TRIT1: variants seen among roughly 807,000 people sequenced by gnomAD.
TRIT1 encodes the protein tRNA dimethylallyltransferase.
A neutral mutation model predicts 51.2 loss-of-function variants in TRIT1; 43 were observed. The observed-to-expected ratio is 0.84, with a 90% CI of 0.66 to 1.08. The LOEUF (loss-of-function observed/expected upper bound fraction) is 1.08. TRIT1 is among the 50% of genes least tolerant of loss of function. TRIT1 has a pLI of 0.00. For missense variants in TRIT1, 528 were observed against 578.4 expected (o/e 0.91, Z 0.89); for synonymous variants, 184 against 203.9 (o/e 0.90, Z 0.83).
chr1:39,864,597 C>CAAAAA (rs58041605), intron 1 of TRIT1, among the ~76,000 whole-genome samples: 1 of 97,298 alleles, frequency 1.0e-5, no homozygotes. Flanking sequence ...GACTCTGTCT[C>CAAAAA]AAAAAAAAAA....
intron 1 of TRIT1, among the ~76,000 whole-genome samples, chr1:39,880,390 G>A (rs1644221075): frequency 6.6e-6 from 1 of 150,420 alleles, no homozygotes; most frequent in African/African-American, 2.4e-5. Flanking sequence ...AATTGAAAAT[G>A]TTATTTCAAG....
At chr1:39,854,713 C>A (rs2124614214) in intron 2 of TRIT1, among the ~76,000 whole-genome samples, 1 of 152,296 alleles carries the variant, frequency 6.6e-6, no homozygotes, top group African/African-American at 2.4e-5. Flanking sequence ...TATCACAATG[C>A]CTAAAAAATA....
Position 39,879,463 on chromosome 1 carries a change from T to C in TRIT1, c.174+3855A>G, listed in dbSNP as rs1175797416. ...CTGTGAAGTGATAATATCCATTTTA[T>C]GAGACTATTGTGAGGATTTTAAATA... is the stretch of plus-strand genomic sequence containing the variant. On this transcript the variant is annotated intron_variant, in intron 1 of 10. Coordinates refer to ENST00000316891, the MANE Select transcript of TRIT1 (RefSeq NM_017646.6). Among the ~76,000 whole-genome samples the C allele has an allele frequency of 5.9e-5, 9 of 151,680 alleles. 1 individual carries two copies. In the East Asian group the frequency reaches 1.5e-3, roughly 26 times the overall value.
chr1:39,871,860 TA>T (rs1420422583), intron 1 of TRIT1, among the ~76,000 whole-genome samples: 1 of 152,132 alleles, frequency 6.6e-6, no homozygotes, highest in Non-Finnish European at 1.5e-5. Context: ...CCCATAGAAC[TA>T]AACATCATAA....
chr1:39,857,345 T>C lies in TRIT1; in HGVS notation c.247A>G (p.Ile83Val). Residue 83 changes from isoleucine (I) to valine (V), a missense_variant, in exon 2 of 11, where the codon ATC becomes GTC. Physicochemically the swap from Ile to Val is conservative, Grantham distance 29. Around this residue, in one of 3 missense-constraint regions of TRIT1, gnomAD observed 468 missense variants for 522.6 expected, o/e 0.90. Coordinates refer to ENST00000316891, the MANE Select transcript of TRIT1 (RefSeq NM_017646.6). ...GTCACAAGAGGATCCACAAAGCTGATCATGTGGTGCCGGCAGATTCTCTGC... is the reference window on the plus strand; with the variant it reads ...GTCACAAGAGGATCCACAAAGCTGACCATGTGGTGCCGGCAGATTCTCTGC... ...QEQRICRHHMISFVDPLVTNY... is the reference protein window; with the variant it reads ...QEQRICRHHMVSFVDPLVTNY... 1 of 1,614,168 alleles carries C rather than the reference T, an allele frequency of 6.2e-7. No homozygotes were observed. Among genetic ancestry groups the C allele is most frequent in the Non-Finnish European group, 8.5e-7 (1 of 1,180,028 alleles).
At chr1:39,873,898 CT>C (rs1643960208) in intron 1 of TRIT1, among the ~76,000 whole-genome samples, 2 of 152,054 alleles carry the variant, frequency 1.3e-5, no homozygotes. Context: ...TGGCGTATGC[CT>C]GTAGTCCCAG....
intron 1 of TRIT1, among the ~76,000 whole-genome samples, chr1:39,870,617 G>GA (rs35350354): frequency 0.17 from 20,690 of 121,226 alleles, 1,891 homozygotes; most frequent in Non-Finnish European, 0.25. Context: ...GAAATTAAAA[G>GA]AAAAAAAAAA....
rs544366859 is a variant in TRIT1 at position 39,869,987 on chromosome 1, G to C, written c.175-12570C>G. On this transcript the variant is annotated intron_variant, in intron 1 of 10. Coordinates refer to ENST00000316891, the MANE Select transcript of TRIT1 (RefSeq NM_017646.6). Reference sequence around the variant, plus strand: ...TGGGAGGTGGGGGGCCCCTCTCTCCGGCCGCCACCCCGTCTGGGAGGTGTA... The same window carrying C: ...TGGGAGGTGGGGGGCCCCTCTCTCCCGCCGCCACCCCGTCTGGGAGGTGTA... 5.3e-5 allele frequency among the ~76,000 whole-genome samples: 8 copies of C among 152,308 alleles called. No homozygotes were observed. In the South Asian group the frequency reaches 1.2e-3, roughly 24 times the overall value.
At chr1:39,877,680 C>T (rs775483374) in intron 1 of TRIT1, among the ~76,000 whole-genome samples, 48 of 152,130 alleles carry the variant, frequency 3.2e-4, no homozygotes, top group Non-Finnish European at 6.0e-4. Context: ...ACTGAAGGCC[C>T]GGCACTGTAC....
At chr1:39,869,943 T>C (rs1643792573) in intron 1 of TRIT1, among the ~76,000 whole-genome samples, 1 of 151,546 alleles carries the variant, frequency 6.6e-6, no homozygotes, top group Admixed American at 6.6e-5. Context: ...GGGGGGCGCC[T>C]CTGCCTGGCT....
At position 39,863,771 on chromosome 1, in the gene TRIT1, G is replaced by GA. The variant is rs201057331; in HGVS notation, c.175-6355dup. On this transcript the variant is annotated intron_variant, in intron 1 of 10. Coordinates refer to ENST00000316891, the MANE Select transcript of TRIT1 (RefSeq NM_017646.6). ...AACAGAGAAAAAAAAAAAGAGATAT[G>GA]AAAAAAAAACTATAAACAACAACAA... 6.1e-3 allele frequency among the ~76,000 whole-genome samples: 897 copies of GA among 146,174 alleles called. 5 individuals are homozygous for GA. Among genetic ancestry groups the GA allele is most frequent in the African/African-American group, 0.022 (857 of 39,778 alleles).
chr1:39,841,259 T>C lies in TRIT1; in HGVS notation c.*485A>G, dbSNP rs1041544643. The C allele has an allele frequency of 3.9e-5, 6 of 152,334 alleles. No homozygotes were observed. Among genetic ancestry groups the C allele is most frequent in the African/African-American group, 4.8e-5 (2 of 41,464 alleles). The allele number at this position is 152,334 out of a possible 1,614,324, so 9.4% of individuals were successfully genotyped here. ...AGTTTGGTTCACTTAATCATCTCAATGGAGATGGCCCTTTCCTGCCATTCA... is the reference window on the plus strand; with the variant it reads ...AGTTTGGTTCACTTAATCATCTCAACGGAGATGGCCCTTTCCTGCCATTCA... On this transcript the variant is annotated 3_prime_UTR_variant, in exon 11 of 11. Coordinates refer to ENST00000316891, the MANE Select transcript of TRIT1 (RefSeq NM_017646.6).
chr1:39,880,692 G>A (rs769637064), intron 1 of TRIT1, among the ~76,000 whole-genome samples: 5 of 151,952 alleles, frequency 3.3e-5, no homozygotes, highest in Non-Finnish European at 4.4e-5. Flanking sequence ...CCAGCTACTC[G>A]GGAGGCTGAG....
chr1:39,857,505 C>T, intron 1 of TRIT1, 88 bp from the exon 2 acceptor site: 1 of 1,478,278 alleles, frequency 6.8e-7, no homozygotes, highest in Non-Finnish European at 9.2e-7. Flanking sequence ...CTATTTCTCC[C>T]TCCTGCCAAA....
chr1:39,842,767 C>G (rs762550285), intron 10 of TRIT1, among the ~76,000 whole-genome samples: 1 of 152,154 alleles, frequency 6.6e-6, no homozygotes, highest in Non-Finnish European at 1.5e-5. Context: ...TTAAAAACAT[C>G]ATTTTTAAGA....
intron 1 of TRIT1, among the ~76,000 whole-genome samples, chr1:39,864,134 C>T (rs1643401332): frequency 1.3e-5 from 2 of 152,120 alleles, no homozygotes; most frequent in Middle Eastern, 3.4e-3. Context: ...GATCTGCCAG[C>T]CTCGGTCTCC....
chr1:39,861,950 AAAAG>A (rs1176089951), intron 1 of TRIT1, among the ~76,000 whole-genome samples: 1 of 151,938 alleles, frequency 6.6e-6, no homozygotes, highest in Non-Finnish European at 1.5e-5. Context: ...GAAAAAGAAA[AAAAG>A]AAAGGCATGA....
intron 3 of TRIT1, 47 bp from the exon 4 acceptor site, chr1:39,852,923 G>C (rs186513633): frequency 6.3e-7 from 1 of 1,586,740 alleles, no homozygotes. Flanking sequence ...CCAACACTGA[G>C]ACAGTGTATG....
At chr1:39,847,014 C>T in intron 8 of TRIT1, 1 of 531,038 alleles carries the variant, frequency 1.9e-6, no homozygotes. Flanking sequence ...AGAAGGCAGA[C>T]TCCTCAATGC....
Sources: gnomAD v4.1 joint callset for allele counts (sites outside exome capture counted in the v4.1 genomes callset) on GRCh38, gnomAD v4.1.1 for gene constraint, gnomAD v4.1.1 regional missense constraint, MANE v1.5 for transcripts, NCBI Gene and HGNC (gene_info 2026-07-23, HGNC 2026-07-21) for gene names.